TRPM3: variants seen among roughly 807,000 people sequenced by gnomAD.
TRPM3 encodes long transient receptor potential channel 3.
In TRPM3, 77 loss-of-function variants were observed where a neutral mutation model predicts 181.2. The ratio of observed to expected loss-of-function variants is 0.42; its 90% CI spans 0.35 to 0.51. The LOEUF is 0.51. TRPM3 is among the 20% of genes least tolerant of loss of function. TRPM3 has a pLI of 0.01. For synonymous variants in TRPM3, 745 were observed against 796.4 expected (o/e 0.94, Z 1.09); for missense variants, 1,759 against 2,196.7 (o/e 0.80, Z 3.98).
At chr9:71,196,617 T>C (rs564463392) in intron 1 of TRPM3, among the ~76,000 whole-genome samples, 1 of 152,098 alleles carries the variant, frequency 6.6e-6, no homozygotes, top group South Asian at 2.1e-4. Context: ...CCAAGCACCC[T>C]CCACTGTTTC....
chr9:70,658,949 A>G (rs1207628274), intron 9 of TRPM3, among the ~76,000 whole-genome samples: 1 of 152,046 alleles, frequency 6.6e-6, no homozygotes, highest in Non-Finnish European at 1.5e-5. Flanking sequence ...TTTTTTTGTC[A>G]GAGTCAAGAA....
chr9:70,761,475 A>G, intron 8 of TRPM3, 126 bp downstream of exon 8: 1 of 1,332,336 alleles, frequency 7.5e-7, no homozygotes. Flanking sequence ...GAGCCAATGG[A>G]GCCTGAGGAG....
chr9:70,972,375 A>C (rs1193801239), intron 1 of TRPM3, among the ~76,000 whole-genome samples: 1 of 152,208 alleles, frequency 6.6e-6, no homozygotes, highest in Non-Finnish European at 1.5e-5. Flanking sequence ...TTTTATACAC[A>C]AAAGGCCACA....
At chr9:71,431,054 A>T (rs1489799613) in intron 1 of TRPM3, among the ~76,000 whole-genome samples, 1 of 152,182 alleles carries the variant, frequency 6.6e-6, no homozygotes, top group Non-Finnish European at 1.5e-5. Flanking sequence ...AATATTGAAG[A>T]TATAGCATAT....
At chr9:70,890,140 C>T (rs1384151367) in intron 1 of TRPM3, among the ~76,000 whole-genome samples, 1 of 149,306 alleles carries the variant, frequency 6.7e-6, no homozygotes, top group African/African-American at 2.4e-5. Context: ...AATCAGTAGC[C>T]TCAGAGAACT....
chr9:71,083,859 T>G (rs1243211517), intron 1 of TRPM3, among the ~76,000 whole-genome samples: 1 of 151,840 alleles, frequency 6.6e-6, no homozygotes, highest in Non-Finnish European at 1.5e-5. Context: ...TGTATATATA[T>G]CTATATATGT....
intron 1 of TRPM3, among the ~76,000 whole-genome samples, chr9:71,211,990 A>T (rs1247365259): frequency 6.6e-6 from 1 of 152,204 alleles, no homozygotes; most frequent in Non-Finnish European, 1.5e-5. Context: ...ACTGTAATGG[A>T]TTCCACCAGG....
intron 22 of TRPM3, among the ~76,000 whole-genome samples, chr9:70,558,534 C>A (rs891043257): frequency 6.6e-6 from 1 of 152,150 alleles, no homozygotes; most frequent in African/African-American, 2.4e-5. Flanking sequence ...ATGCTGCTCC[C>A]CTTCTTCCCC....
rs6151027 is a variant in TRPM3, at chr9:70,602,106, C to CTTTT, written c.2796+1232_2796+1235dup. On this transcript the variant is annotated intron_variant, in intron 20 of 25. Transcript: ENST00000677713. The stretch of plus-strand genomic sequence containing the variant: ...CCAGCTGGAACAAGGCAAGGCATTC[C>CTTTT]TTTTTTTTTTTTTTTTTTAAATCCA... 7.8e-5 allele frequency among the ~76,000 whole-genome samples: 10 copies of CTTTT among 128,180 alleles called. 1 individual carries two copies. Among genetic ancestry groups the CTTTT allele is most frequent in the South Asian group, 2.5e-4 (1 of 4,078 alleles). The allele number at this position is 128,180 out of a possible 152,430, so 84.1% of individuals were successfully genotyped here. A position where few individuals can be genotyped will look rare whatever the true frequency, so the allele number is the denominator to read the frequency against.
intron 1 of TRPM3, among the ~76,000 whole-genome samples, chr9:71,221,013 C>A (rs1354852336): frequency 2.0e-5 from 3 of 152,128 alleles, no homozygotes; most frequent in African/African-American, 7.2e-5. Flanking sequence ...CAATCAAGAG[C>A]ATTACTGGGA....
intron 1 of TRPM3, among the ~76,000 whole-genome samples, chr9:71,377,484 T>C (rs977787792): frequency 1.3e-5 from 2 of 152,048 alleles, no homozygotes; most frequent in East Asian, 1.9e-4. Context: ...AAACATGATA[T>C]GGACCTTGCC....
intron 1 of TRPM3, among the ~76,000 whole-genome samples, chr9:71,435,674 A>G (rs773811030): frequency 5.9e-5 from 9 of 152,226 alleles, no homozygotes; most frequent in African/African-American, 1.2e-4. Flanking sequence ...TCAAAAAGTA[A>G]TATCTCAATG....
At chr9:71,075,341 C>T (rs1755998765) in intron 1 of TRPM3, among the ~76,000 whole-genome samples, 1 of 152,120 alleles carries the variant, frequency 6.6e-6, no homozygotes, top group Non-Finnish European at 1.5e-5. Flanking sequence ...TCCAATTTAA[C>T]TCTGAAATTT....
chr9:71,243,594 C>T (rs2081852686), intron 1 of TRPM3, among the ~76,000 whole-genome samples: 1 of 152,118 alleles, frequency 6.6e-6, no homozygotes, highest in African/African-American at 2.4e-5. Flanking sequence ...TAAAATCATG[C>T]TTATGCATTG....
chr9:70,595,245 T>C (rs1165113189), intron 21 of TRPM3, among the ~76,000 whole-genome samples: 1 of 152,222 alleles, frequency 6.6e-6, no homozygotes, highest in Non-Finnish European at 1.5e-5. Context: ...TTTGGTTTGT[T>C]TGGGTCTTTT....
At chr9:70,940,775 G>A (rs1280405566) in intron 1 of TRPM3, among the ~76,000 whole-genome samples, 1 of 152,108 alleles carries the variant, frequency 6.6e-6, no homozygotes, top group African/African-American at 2.4e-5. Context: ...GGAGAGTGGA[G>A]GGAAGGAGAA....
At chr9:70,990,458 T>C (rs960482728) in intron 1 of TRPM3, among the ~76,000 whole-genome samples, 18 of 152,154 alleles carry the variant, frequency 1.2e-4, no homozygotes, top group Non-Finnish European at 2.1e-4. Flanking sequence ...TATAACAAGA[T>C]AGAAGCTTTC....
intron 1 of TRPM3, among the ~76,000 whole-genome samples, chr9:71,192,547 T>G (rs555102785): frequency 6.6e-6 from 1 of 151,930 alleles, no homozygotes; most frequent in African/African-American, 2.4e-5. Flanking sequence ...TGTTGGCTAT[T>G]TGTATGCCTT....
rs752829227 is a variant in TRPM3 at position 70,827,844 on chromosome 9, T to C, written c.973+3A>G. 2 of 1,613,798 alleles carry C rather than the reference T, an allele frequency of 1.2e-6. No individual in the cohort carries two copies. The highest frequency in any genetic ancestry group is 1.1e-5 in the South Asian group (1 of 91,044). ...CATGCCAGTGGGAACAACCGCTACT[T>C]ACTTGTGTTTATCTTCTGGAGTGAA... is the stretch of plus-strand genomic sequence containing the variant. On this transcript the variant is annotated splice_donor_region_variant and intron_variant, in intron 6 of 25. Transcript: ENST00000677713.
Sources: gnomAD v4.1 joint callset for allele counts (sites outside exome capture counted in the v4.1 genomes callset) on GRCh38, gnomAD v4.1.1 for gene constraint, MANE v1.5 for transcripts, NCBI Gene and HGNC (gene_info 2026-07-23, HGNC 2026-07-21) for gene names.